The following TTN variants were observed in gnomAD, a reference collection of about 807,000 sequenced individuals.
TTN encodes titin, also known as connectin.
In TTN, 1,525 loss-of-function variants were observed where a neutral mutation model predicts 3,223.0. The observed-to-expected ratio is 0.47, with a 90% CI of 0.45 to 0.49. The LOEUF is 0.49. TTN is among the 20% of genes least tolerant of loss of function. The pLI is 0.00. For synonymous variants in TTN, 14,094 were observed against 15,161.0 expected (o/e 0.93, Z 5.17); for missense variants, 40,786 against 43,424.0 (o/e 0.94, Z 5.40).
rs1167741391 is a variant in TTN, at chr2:178,785,697, C to G, written c.2416G>C (p.Asp806His). ...GGGCTAGCTGTGCGGGGGCGTTTAT[C>G]CACATGGACTAATCTTTCCGTTGTT... is the stretch of plus-strand genomic sequence containing the variant. ...DLTTERLVHV[D>H]KRPRTASPHF... Residue 806 changes from aspartate to histidine, a missense_variant, in exon 15 of 363, where the codon GAT becomes CAT. Coordinates refer to ENST00000589042, the MANE Select transcript of TTN (RefSeq NM_001267550.2). The G allele has an allele frequency of 4.3e-6, 7 of 1,614,108 alleles. No individual in the cohort carries two copies. The highest frequency in any genetic ancestry group is 5.9e-6 in the Non-Finnish European group (7 of 1,180,008).
rs767981131 is a variant in TTN at position 178,579,794 on chromosome 2, C to T, written c.67403G>A (p.Cys22468Tyr). ...GTGAGGCTTTTTCCAGCCAATGCTA[C>T]AGGATGACTTAGATACAGACCTCAC... Reference protein sequence around the residue: ...LKVRSVSKSSCSIGWKKPHSD... With the variant: ...LKVRSVSKSSYSIGWKKPHSD... The change falls in exon 319 of 363, where the codon TGT (cysteine) becomes TAT (tyrosine). Residue 22468 changes from cysteine to tyrosine, a missense_variant. Cys to Tyr is a radical substitution (Grantham distance 194). Transcript: ENST00000589042. 1 of 1,613,316 alleles carries T rather than the reference C, an allele frequency of 6.2e-7. No individual in the cohort carries two copies. The highest frequency in any genetic ancestry group is 1.1e-5 in the South Asian group (1 of 91,074).
rs535734890 is a variant in TTN at position 178,630,882 on chromosome 2, T to A, written c.44076A>T (p.Ala14692=). The stretch of plus-strand genomic sequence containing the variant: ...CTTCAGAGATTTCGGTTTCAAAGCG[T>A]GCTGTCTCAGTCTCCATCACCTCCA... ...HSVEVMETET[A]RFETEISEDD... The change falls in exon 238 of 363, where the codon GCA becomes GCT. Residue 14692 remains alanine, a synonymous_variant. Transcript: ENST00000589042. 1.2e-6 allele frequency: 2 copies of A among 1,613,200 alleles called. No individual in the cohort carries two copies. Among genetic ancestry groups the A allele is most frequent in the African/African-American group, 2.7e-5 (2 of 74,894 alleles).
rs763665430 is a variant in TTN at position 178,731,020 on chromosome 2, A to G, written c.17645T>C (p.Ile5882Thr). ...SVTDTVSILK[I>T]ISTEKKDSGE... is the part of the protein sequence containing the mutation. Reference sequence around the variant, plus strand: ...ACTATCTTTCTTTTCTGTAGAAATAATCTTCAGTATTGAGACTGTATCAGT... The same window carrying G: ...ACTATCTTTCTTTTCTGTAGAAATAGTCTTCAGTATTGAGACTGTATCAGT... Residue 5882 changes from isoleucine to threonine, a missense_variant, in exon 60 of 363, where the codon ATT becomes ACT. Ile to Thr is a moderately conservative substitution (Grantham distance 89). Coordinates refer to ENST00000589042, the MANE Select transcript of TTN (RefSeq NM_001267550.2). 1.3e-5 allele frequency: 21 copies of G among 1,613,496 alleles called. No homozygotes were observed. The Admixed American group carries it at 3.5e-4, about 27-fold the overall frequency.
Position 178,533,764 on chromosome 2 carries a change from T to C in TTN, c.102851A>G (p.His34284Arg), listed in dbSNP as rs879025670. The change falls in exon 358 of 363, where the codon CAC becomes CGC. Residue 34284 changes from histidine (H) to arginine (R), a missense_variant. Coordinates refer to ENST00000589042, the MANE Select transcript of TTN (RefSeq NM_001267550.2). ...ATACCATGTTACATGAGGCTCTGGGTGGACAGTTATAGTTACTCCAAACCG... is the reference window on the plus strand; with the variant it reads ...ATACCATGTTACATGAGGCTCTGGGCGGACAGTTATAGTTACTCCAAACCG... ...NVRFGVTITV[H>R]PEPHVTWYKS... 1 of 1,613,988 alleles carries C rather than the reference T, an allele frequency of 6.2e-7. No individual in the cohort carries two copies. Among genetic ancestry groups the C allele is most frequent in the Non-Finnish European group, 8.5e-7 (1 of 1,179,860 alleles).
Position 178,551,822 on chromosome 2 carries a change from G to A in TTN, c.91078C>T (p.His30360Tyr), listed in dbSNP as rs1033418419. 1.2e-6 allele frequency: 2 copies of A among 1,613,774 alleles called. No individual in the cohort carries two copies. Among genetic ancestry groups the A allele is most frequent in the Non-Finnish European group, 1.7e-6 (2 of 1,179,802 alleles). Residue 30360 changes from histidine to tyrosine, a missense_variant, in exon 335 of 363, where the codon CAT becomes TAT. Transcript: ENST00000589042. ...CTATTTCTTTCTTTCTTTTCAACAT[G>A]GAATCCAGTAACTTCTGAACCACCA... is the stretch of plus-strand genomic sequence containing the variant. ...YDGGSEVTGF[H>Y]VEKKERNSIL...
At position 178,646,107 on chromosome 2, in the gene TTN, TATATATATA is replaced by T. The variant is rs2061918416; in HGVS notation, c.40298-86_40298-78del. 6.7e-4 allele frequency: 57 copies of T among 85,284 alleles called. 3 individuals are homozygous for T. Among genetic ancestry groups the T allele is most frequent in the South Asian group, 2.6e-3 (6 of 2,320 alleles). The allele number at this position is 85,284 out of a possible 1,614,324, so 5.3% of individuals were successfully genotyped here. On this transcript the variant is annotated intron_variant, in intron 216 of 362. Transcript: ENST00000589042. ...TATGTAGTATATTTAATAGAAATTA[TATATATATA>T]TATATATATATATATATATATATAT...
At chr2:178,675,158 A>G in intron 149 of TTN, 45 bp from the exon 150 acceptor site, 1 of 1,266,464 alleles carries the variant, frequency 7.9e-7, no homozygotes, top group South Asian at 1.4e-5. Flanking sequence ...TGCAAGAACC[A>G]AAGAAGAATA....
intron 155 of TTN, among the ~76,000 whole-genome samples, 178 bp downstream of exon 155, chr2:178,671,793 C>T (rs2067032689): frequency 6.6e-6 from 1 of 151,724 alleles, no homozygotes; most frequent in Non-Finnish European, 1.5e-5. Context: ...TTACTATCAT[C>T]TACTAAAATT....
rs141973925 is a variant in TTN at position 178,590,625 on chromosome 2, C to T, written c.61100G>A (p.Arg20367Gln). Residue 20367 changes from arginine (R) to glutamine (Q), a missense_variant, in exon 304 of 363, where the codon CGG becomes CAG. Coordinates refer to ENST00000589042, the MANE Select transcript of TTN (RefSeq NM_001267550.2). The stretch of plus-strand genomic sequence containing the variant: ...AGGTGGTCCAGGTGGTTTGATGGGC[C>T]GGCAAGCTTTTATTGGATCAGAACT... ...SPSSDPIKACRPIKPPGPPIN... is the reference protein window; with the variant it reads ...SPSSDPIKACQPIKPPGPPIN... 7,274 of 1,612,888 alleles carry T rather than the reference C, an allele frequency of 4.5e-3. 17 individuals carry two copies. The highest frequency in any genetic ancestry group is 5.7e-3 in the Non-Finnish European group (6,689 of 1,179,342).
Position 178,536,973 on chromosome 2 carries a change from T to C in TTN, c.100136A>G (p.Glu33379Gly). 1.2e-6 allele frequency: 2 copies of C among 1,613,322 alleles called. No homozygotes were observed. The highest frequency in any genetic ancestry group is 1.7e-6 in the Non-Finnish European group (2 of 1,179,574). The change falls in exon 356 of 363, where the codon GAA becomes GGA. Residue 33379 changes from glutamate (E) to glycine (G), a missense_variant. Transcript: ENST00000589042. The stretch of plus-strand genomic sequence containing the variant: ...CTTAATGATCACAACTGAGGACACT[T>C]CTAGAGGGTCACTGATGCCGAAAGT... ...QNTFGISDPLEVSSVVIIKSP... is the reference protein window; with the variant it reads ...QNTFGISDPLGVSSVVIIKSP...
chr2:178,558,190 T>TATA lies in TTN; in HGVS notation c.87161_87163dup (p.Val29054_Tyr29055insLeu). On this transcript the variant is annotated inframe_insertion, in exon 328 of 363. Coordinates refer to ENST00000589042, the MANE Select transcript of TTN (RefSeq NM_001267550.2). ...TTTAAGGTTTGAACCAGCTCTAACA[T>TATA]ATACAGTGTGACTTGGGAAATTCTT... 1 of 1,612,390 alleles carries TATA rather than the reference T, an allele frequency of 6.2e-7. No homozygotes were observed. Among genetic ancestry groups the TATA allele is most frequent in the Non-Finnish European group, 8.5e-7 (1 of 1,179,586 alleles).
At chr2:178,780,971 TA>T in intron 21 of TTN, 149 bp downstream of exon 21, 2 of 979,746 alleles carry the variant, frequency 2.0e-6, no homozygotes, top group Non-Finnish European at 3.1e-6. Flanking sequence ...CCATGTGGTC[TA>T]AAACATTTTC....
chr2:178,775,098 C>T lies in TTN; in HGVS notation c.6613G>A (p.Val2205Met), dbSNP rs2154345518. Residue 2205 changes from valine (V) to methionine (M), a missense_variant, in exon 29 of 363, where the codon GTG (valine) becomes ATG (methionine). Val to Met is a conservative substitution (Grantham distance 21). Coordinates refer to ENST00000589042, the MANE Select transcript of TTN (RefSeq NM_001267550.2). ...TCCATACCATCTTTATACCATTTCA[C>T]TTTGACAAATGGTTCTGAAGTTTCA... The part of the protein sequence containing the change: ...ECETSEPFVK[V>M]KWYKDGMEVH... 1 of 1,614,046 alleles carries T rather than the reference C, an allele frequency of 6.2e-7. No individual in the cohort carries two copies. The highest frequency in any genetic ancestry group is 2.2e-5 in the East Asian group (1 of 44,842).
chr2:178,610,291 T>C lies in TTN; in HGVS notation c.51235A>G (p.Ile17079Val). 2 of 1,612,942 alleles carry C rather than the reference T, an allele frequency of 1.2e-6. No individual in the cohort carries two copies. The highest frequency in any genetic ancestry group is 1.3e-5 in the African/African-American group (1 of 74,966). The change falls in exon 271 of 363, where the codon ATT becomes GTT. Residue 17079 changes from isoleucine (I) to valine (V), a missense_variant. Transcript: ENST00000589042. ...CTGCGCTCCAGGACATAATGAAGAATTGGGGTTCCACCATCAAATTCTGGA... is the reference window on the plus strand; with the variant it reads ...CTGCGCTCCAGGACATAATGAAGAACTGGGGTTCCACCATCAAATTCTGGA... ...EPPEFDGGTP[I>V]LHYVLERREA...
rs1180774898 is a variant in TTN at position 178,588,111 on chromosome 2, T to C, written c.63296A>G (p.Tyr21099Cys). 1.2e-6 allele frequency: 2 copies of C among 1,612,962 alleles called. No homozygotes were observed. Among genetic ancestry groups the C allele is most frequent in the East Asian group, 2.2e-5 (1 of 44,670 alleles). ...TATTTTTGGTCTCATTTCCACAACA[T>C]ATCCAATGATCGGTGCACCACCATC... is the stretch of plus-strand genomic sequence containing the variant. ...VYDGGAPIIG[Y>C]VVEMRPKIAD... Residue 21099 changes from tyrosine (Y) to cysteine (C), a missense_variant, in exon 305 of 363, where the codon TAT (tyrosine) becomes TGT (cysteine). By Grantham distance (194) the Tyr-to-Cys change is radical. Transcript: ENST00000589042.
chr2:178,773,802 A>T, intron 31 of TTN, 36 bp downstream of exon 31: 1 of 1,613,996 alleles, frequency 6.2e-7, no homozygotes, highest in Non-Finnish European at 8.5e-7. Flanking sequence ...ATGTTGCTTA[A>T]TAGTGTAAAC....
chr2:178,605,568 A>G lies in TTN; in HGVS notation c.53727T>C (p.Phe17909=), dbSNP rs756917564. Residue 17909 remains phenylalanine, a synonymous_variant, in exon 279 of 363, where the codon TTT becomes TTC. Coordinates refer to ENST00000589042, the MANE Select transcript of TTN (RefSeq NM_001267550.2). ...GGCAGAGTCGCTTGTTAACTCTTTC[A>G]AAGTCAGGTTTGTCATGACGCCGTT... ...IEKRRHDKPD[F]ERVNKRLCPT... 3.7e-6 allele frequency: 6 copies of G among 1,612,188 alleles called. No homozygotes were observed. The highest frequency in any genetic ancestry group is 1.1e-5 in the South Asian group (1 of 90,990).
chr2:178,799,694 G>A lies in TTN; in HGVS notation c.707C>T (p.Thr236Ile), dbSNP rs2093954183. 3 of 1,614,160 alleles carry A rather than the reference G, an allele frequency of 1.9e-6. No homozygotes were observed. The highest frequency in any genetic ancestry group is 2.5e-6 in the Non-Finnish European group (3 of 1,180,020). The part of the protein sequence containing the change: ...EAHFDARSIA[T>I]VEMVIDGAAG... ...GGCACCATCTATGACCATCTCAACT[G>A]TTGCAATTGATCTGGCATCAAAGTG... Residue 236 changes from threonine to isoleucine, a missense_variant, in exon 6 of 363, where the codon ACA becomes ATA. Thr to Ile is a moderately conservative substitution (Grantham distance 89, BLOSUM62 -1). Transcript: ENST00000589042.
Position 178,558,527 on chromosome 2 carries a change from CAT to C in TTN, c.86930_86931del (p.Tyr28977CysfsTer3). ...TGTCCTTTTTCTAGTGCTTCAACGA[CAT>C]AGTGTACAATTCTGCTTCCGCCATC... The part of the protein sequence containing the change: ...EHDGGSRIVH[Y>X]VVEALEKGQK... On this transcript the variant is annotated frameshift_variant, in exon 327 of 363. Coordinates refer to ENST00000589042, the MANE Select transcript of TTN (RefSeq NM_001267550.2). LOFTEE classifies it high-confidence loss of function. 6.2e-7 allele frequency: 1 copy of C among 1,613,798 alleles called. No individual in the cohort carries two copies. Among genetic ancestry groups the C allele is most frequent in the Non-Finnish European group, 8.5e-7 (1 of 1,179,812 alleles).
Sources: allele counts gnomAD v4.1 joint callset (sites outside exome capture counted in the v4.1 genomes callset), GRCh38; gene constraint gnomAD v4.1.1; transcripts MANE v1.5; gene names NCBI Gene and HGNC (gene_info 2026-07-23, HGNC 2026-07-21).